TTN: variants seen among roughly 807,000 people sequenced by gnomAD.
The protein encoded by TTN is titin.
TTN carries 1,525 observed loss-of-function variants against 3,223.0 expected under a neutral mutation model. The observed-to-expected ratio is 0.47, with a 90% CI of 0.45 to 0.49. TTN has a LOEUF of 0.49. TTN is among the 20% of genes least tolerant of loss of function. The pLI, the probability that TTN is intolerant of heterozygous loss-of-function variation, is 0.00. For synonymous variants in TTN, 14,094 were observed against 15,161.0 expected (o/e 0.93, Z 5.17); for missense variants, 40,786 against 43,424.0 (o/e 0.94, Z 5.40).
Position 178,602,166 on chromosome 2 carries a change from C to T in TTN, c.55121-16G>A. Reference sequence around the variant, plus strand: ...TCTGGTTCCTCTGTAATACCACATACAATTTAACAGGATTTAGCTCATATT... The same window carrying T: ...TCTGGTTCCTCTGTAATACCACATATAATTTAACAGGATTTAGCTCATATT... On this transcript the variant is annotated splice_polypyrimidine_tract_variant and intron_variant, in intron 283 of 362. Coordinates refer to ENST00000589042, the MANE Select transcript of TTN (RefSeq NM_001267550.2). The T allele has an allele frequency of 6.3e-7, 1 of 1,596,412 alleles. No homozygotes were observed. The highest frequency in any genetic ancestry group is 8.5e-7 in the Non-Finnish European group (1 of 1,171,880).
At chr2:178,694,534 T>G in intron 117 of TTN, 65 bp downstream of exon 117, 1 of 1,176,058 alleles carries the variant, frequency 8.5e-7, no homozygotes, top group South Asian at 1.5e-5. Context: ...GCAATATATG[T>G]ACACATGTCC....
Position 178,561,959 on chromosome 2 carries a change from G to C in TTN, c.84173C>G (p.Pro28058Arg), listed in dbSNP as rs1293214241. Residue 28058 changes from proline to arginine, a missense_variant, in exon 326 of 363, where the codon CCT becomes CGT. Physicochemically the swap from Pro to Arg is moderately radical, Grantham distance 103 (BLOSUM62 -2). Coordinates refer to ENST00000589042, the MANE Select transcript of TTN (RefSeq NM_001267550.2). ...CTCATCAATACGTATAGGACCTGGA[G>C]GTCCTGGTCTGTCAAGGACAATTAT... ...ITIIVLDRPG[P>R]PGPIRIDEVS... 1.2e-6 allele frequency: 2 copies of C among 1,613,050 alleles called. No individual in the cohort carries two copies. Among genetic ancestry groups the C allele is most frequent in the Non-Finnish European group, 1.7e-6 (2 of 1,179,324 alleles).
Position 178,602,031 on chromosome 2 carries a change from A to T in TTN, c.55240T>A (p.Phe18414Ile). ...ATTGCTTTCTTTGCCTTTCCATCAA[A>T]TTCCCAAGATGATTTTGGTGTTGGG... ...GRPTPKSSWEFDGKAKKAMKD... is the reference protein window; with the variant it reads ...GRPTPKSSWEIDGKAKKAMKD... The change falls in exon 284 of 363, where the codon TTT becomes ATT. Residue 18414 changes from phenylalanine (F) to isoleucine (I), a missense_variant. By Grantham distance (21) the Phe-to-Ile change is conservative. Transcript: ENST00000589042. The T allele has an allele frequency of 6.2e-7, 1 of 1,612,740 alleles. No individual in the cohort carries two copies. Among genetic ancestry groups the T allele is most frequent in the Non-Finnish European group, 8.5e-7 (1 of 1,179,178 alleles).
intron 1 of TTN, among the ~76,000 whole-genome samples, chr2:178,806,106 C>G (rs986168994): frequency 6.6e-6 from 1 of 152,038 alleles, no homozygotes; most frequent in Non-Finnish European, 1.5e-5. Context: ...CTTACTGTAA[C>G]CTTCTACTTA....
At position 178,590,653 on chromosome 2, in the gene TTN, G is replaced by A; in HGVS notation, c.61072C>T (p.Pro20358Ser). 6.2e-7 allele frequency: 1 copy of A among 1,613,086 alleles called. No homozygotes were observed. ...CAAGCTTTTATTGGATCAGAACTTGGGGATGGTTTGCTTAGTCCTGCAAGA... is the reference window on the plus strand; with the variant it reads ...CAAGCTTTTATTGGATCAGAACTTGAGGATGGTTTGCTTAGTCCTGCAAGA... ...ENLAGLSKPS[P>S]SSDPIKACRP... is the part of the protein sequence containing the mutation. Residue 20358 changes from proline (P) to serine (S), a missense_variant, in exon 304 of 363, where the codon CCA becomes TCA. Pro to Ser is a moderately conservative substitution (Grantham distance 74). Coordinates refer to ENST00000589042, the MANE Select transcript of TTN (RefSeq NM_001267550.2).
chr2:178,718,303 G>T lies in TTN; in HGVS notation c.24784+19C>A, dbSNP rs1334441119. ...TTGAAAAGAAAGAGAGCAATAAAAA[G>T]AGGTAGCTGTCAACACACCTAAGAC... is the stretch of plus-strand genomic sequence containing the variant. On this transcript the variant is annotated intron_variant, in intron 85 of 362. Coordinates refer to ENST00000589042, the MANE Select transcript of TTN (RefSeq NM_001267550.2). 1 of 1,605,704 alleles carries T rather than the reference G, an allele frequency of 6.2e-7. No individual in the cohort carries two copies. Among genetic ancestry groups the T allele is most frequent in the Admixed American group, 1.7e-5 (1 of 59,474 alleles).
rs1013364919 is a variant in TTN, at chr2:178,680,152, C to T, written c.33419-97G>A. The T allele has an allele frequency of 1.9e-6, 3 of 1,578,082 alleles. No individual in the cohort carries two copies. The African/African-American group carries it at 4.1e-5, about 22-fold the overall frequency. Reference sequence around the variant, plus strand: ...GGCCCATTTATAACAGAAGAAAGGACAAGATTTACTTTTCCCACAAAAGAA... The same window carrying T: ...GGCCCATTTATAACAGAAGAAAGGATAAGATTTACTTTTCCCACAAAAGAA... On this transcript the variant is annotated intron_variant, in intron 139 of 362. Transcript: ENST00000589042.
chr2:178,751,572 GA>G, intron 47 of TTN: 1 of 1,613,090 alleles, frequency 6.2e-7, no homozygotes. Flanking sequence ...GCTCTTTTCA[GA>G]AATTCTAAAT....
chr2:178,692,561 T>C lies in TTN; in HGVS notation c.31614A>G (p.Lys10538=). 1 of 1,567,740 alleles carries C rather than the reference T, an allele frequency of 6.4e-7. No homozygotes were observed. Among genetic ancestry groups the C allele is most frequent in the Non-Finnish European group, 8.6e-7 (1 of 1,158,890 alleles). Residue 10538 remains lysine, a synonymous_variant, in exon 120 of 363, where the codon AAA becomes AAG. Coordinates refer to ENST00000589042, the MANE Select transcript of TTN (RefSeq NM_001267550.2). ...PPPKVPELPE[K]PAPEEVAPVP... Reference sequence around the variant, plus strand: ...CAGGGGCCACTTCTTCTGGAGCTGGTTTCTCAGGTAGCTCAGGGACTTTAA... The same window carrying C: ...CAGGGGCCACTTCTTCTGGAGCTGGCTTCTCAGGTAGCTCAGGGACTTTAA...
chr2:178,552,319 G>A lies in TTN; in HGVS notation c.90581C>T (p.Ala30194Val), dbSNP rs1198317987. The A allele has an allele frequency of 6.2e-7, 1 of 1,610,288 alleles. No homozygotes were observed. The highest frequency in any genetic ancestry group is 8.5e-7 in the Non-Finnish European group (1 of 1,178,520). ...GTATTTTCCTCCATGCTCCTTCTTG[G>A]CATTCTTAATACTCAAAGTAATTTT... Reference protein sequence around the residue: ...ENKITLSIKNAKKEHGGKYTV... With the variant: ...ENKITLSIKNVKKEHGGKYTV... Residue 30194 changes from alanine to valine, a missense_variant, in exon 335 of 363, where the codon GCC becomes GTC. By Grantham distance (64) the Ala-to-Val change is moderately conservative. Coordinates refer to ENST00000589042, the MANE Select transcript of TTN (RefSeq NM_001267550.2).
At position 178,643,318 on chromosome 2, in the gene TTN, T is replaced by G. The variant is rs367800029; in HGVS notation, c.40478-1001A>C. ...ACTGCTTAACTCTTATTTCAAAAATTTAAACCTACAATAGGCAAATATGTA... is the reference window on the plus strand; with the variant it reads ...ACTGCTTAACTCTTATTTCAAAAATGTAAACCTACAATAGGCAAATATGTA... On this transcript the variant is annotated intron_variant, in intron 218 of 362. Transcript: ENST00000589042. Among the ~76,000 whole-genome samples the G allele has an allele frequency of 8.0e-4, 122 of 152,106 alleles. 2 individuals carry two copies. The South Asian group carries it at 0.024, about 30-fold the overall frequency.
rs1423091463 is a variant in TTN, at chr2:178,531,335, A to G, written c.105280T>C (p.Ser35094Pro). ...SQMTETRESL[S>P]SYEHSASAEM... Reference sequence around the variant, plus strand: ...GCAGATGCAGAGTGTTCATATGAGGAGAGACTTTCCCTTGTCTCCGTCATC... The same window carrying G: ...GCAGATGCAGAGTGTTCATATGAGGGGAGACTTTCCCTTGTCTCCGTCATC... Residue 35094 changes from serine to proline, a missense_variant, in exon 358 of 363, where the codon TCC becomes CCC. Physicochemically the swap from Ser to Pro is moderately conservative, Grantham distance 74. Coordinates refer to ENST00000589042, the MANE Select transcript of TTN (RefSeq NM_001267550.2). 1.2e-6 allele frequency: 2 copies of G among 1,614,026 alleles called. No homozygotes were observed. The highest frequency in any genetic ancestry group is 2.2e-5 in the South Asian group (2 of 91,084).
chr2:178,733,533 A>C lies in TTN; in HGVS notation c.15776-16T>G, dbSNP rs1247801192. ...TTGGCAGGTTCTACAATGGTATGAAATAGTTAGCACCCTAAATGCTTGTTA... is the reference window on the plus strand; with the variant it reads ...TTGGCAGGTTCTACAATGGTATGAACTAGTTAGCACCCTAAATGCTTGTTA... On this transcript the variant is annotated splice_polypyrimidine_tract_variant and intron_variant, in intron 53 of 362. Coordinates refer to ENST00000589042, the MANE Select transcript of TTN (RefSeq NM_001267550.2). 4 of 1,605,086 alleles carry C rather than the reference A, an allele frequency of 2.5e-6. No homozygotes were observed. Among genetic ancestry groups the C allele is most frequent in the Non-Finnish European group, 3.4e-6 (4 of 1,174,248 alleles).
At chr2:178,616,210 A>G (rs1187969989) in intron 257 of TTN, among the ~76,000 whole-genome samples, 2 of 151,906 alleles carry the variant, frequency 1.3e-5, no homozygotes, top group South Asian at 4.1e-4. Flanking sequence ...CATATTGGGT[A>G]CTTAGCAGGT....
chr2:178,762,039 T>G (rs184167779), intron 43 of TTN, among the ~76,000 whole-genome samples: 3 of 152,322 alleles, frequency 2.0e-5, no homozygotes, highest in African/African-American at 7.2e-5. Context: ...AGCACCTGGT[T>G]GCTCAGGGCC....
At chr2:178,679,187 C>T (rs774501051) in intron 142 of TTN, among the ~76,000 whole-genome samples, 152 bp downstream of exon 142, 3 of 151,790 alleles carry the variant, frequency 2.0e-5, no homozygotes, top group Admixed American at 2.0e-4. Flanking sequence ...AGATGAATAC[C>T]GGGTAAACTG....
In TTN at chr2:178,670,248, G is replaced by C; in HGVS notation, c.35356C>G (p.Pro11786Ala). Residue 11786 changes from proline (P) to alanine (A), a missense_variant, in exon 157 of 363, where the codon CCT becomes GCT. Coordinates refer to ENST00000589042, the MANE Select transcript of TTN (RefSeq NM_001267550.2). Reference sequence around the variant, plus strand: ...GTTGGTGGAACTCTGGGCTCTTCAGGAACACGTACTTTTTCTTCTACCACA... The same window carrying C: ...GTTGGTGGAACTCTGGGCTCTTCAGCAACACGTACTTTTTCTTCTACCACA... ...KIVVEEKVRV[P>A]EEPRVPPTKA... 6.7e-7 allele frequency: 1 copy of C among 1,495,546 alleles called. No homozygotes were observed. The highest frequency in any genetic ancestry group is 8.9e-7 in the Non-Finnish European group (1 of 1,128,464). The allele number at this position is 1,495,546 out of a possible 1,614,324, so 92.6% of individuals were successfully genotyped here. A position where few individuals can be genotyped will look rare whatever the true frequency, so the allele number is the denominator to read the frequency against.
rs747725208 is a variant in TTN, at chr2:178,669,660, T to C, written c.35402A>G (p.Lys11801Arg). 1 of 1,612,408 alleles carries C rather than the reference T, an allele frequency of 6.2e-7. No homozygotes were observed. Among genetic ancestry groups the C allele is most frequent in the Non-Finnish European group, 8.5e-7 (1 of 1,179,616 alleles). Reference protein sequence around the residue: ...VPPTKAPEVPKKIVPEEKVRE... With the variant: ...VPPTKAPEVPRKIVPEEKVRE... ...AACTTTTTCTTCTGGGACAATTTTC[T>C]TGGGTACTTCGGGTGCTTTAAAGAT... The change falls in exon 158 of 363, where the codon AAG becomes AGG. Residue 11801 changes from lysine (K) to arginine (R), a missense_variant. Lys to Arg is a conservative substitution (Grantham distance 26). Transcript: ENST00000589042.
intron 238 of TTN, 137 bp downstream of exon 238, chr2:178,630,667 C>A: frequency 7.7e-7 from 1 of 1,299,544 alleles, no homozygotes; most frequent in East Asian, 2.3e-5. Flanking sequence ...TAGACCCTGA[C>A]ATCTCTCTTT....
Sources: allele counts gnomAD v4.1 joint callset (sites outside exome capture counted in the v4.1 genomes callset), GRCh38; gene constraint gnomAD v4.1.1; transcripts MANE v1.5; gene names NCBI Gene and HGNC (gene_info 2026-07-23, HGNC 2026-07-21).